The following PREP variants were observed in gnomAD, a reference collection of about 807,000 sequenced individuals.
The protein encoded by PREP is prolyl endopeptidase, also known as dJ355L5.1 (prolyl endopeptidase).
A neutral mutation model predicts 87.6 loss-of-function variants in PREP; 29 were observed. That is an observed-to-expected ratio of 0.33 (90% CI 0.25 to 0.45). The LOEUF (loss-of-function observed/expected upper bound fraction) is 0.45. Ranked by LOEUF, PREP falls within the 20% of genes least tolerant of loss-of-function variation. The pLI, the probability that PREP is intolerant of heterozygous loss-of-function variation, is 1.00. For missense variants in PREP, 695 were observed against 886.5 expected (o/e 0.78, Z 2.74); for synonymous variants, 337 against 328.6 (o/e 1.03, Z -0.28).
intron 6 of PREP, among the ~76,000 whole-genome samples, chr6:105,359,919 T>C (rs1029080286): frequency 1.3e-5 from 2 of 152,116 alleles, no homozygotes; most frequent in African/African-American, 2.4e-5. Flanking sequence ...CAGGCAGAGA[T>C]TTTGAAAGCT....
At position 105,387,260 on chromosome 6, in the gene PREP, T is replaced by C. The variant is rs556305719; in HGVS notation, c.121-9741A>G. Reference sequence around the variant, plus strand: ...AAAAGAAGTTGAGAGAAATCAGTTATCGCAGTTCTTTAGATGTTCACTTTT... The same window carrying C: ...AAAAGAAGTTGAGAGAAATCAGTTACCGCAGTTCTTTAGATGTTCACTTTT... On this transcript the variant is annotated intron_variant, in intron 2 of 14. Coordinates refer to ENST00000652536, the MANE Select transcript of PREP (RefSeq NM_002726.5). Among the ~76,000 whole-genome samples, 168 of 152,198 alleles carry C rather than the reference T, an allele frequency of 1.1e-3. No homozygotes were observed. In the South Asian group the frequency reaches 0.034, roughly 30 times the overall value.
At chr6:105,338,660 G>A (rs1475820333) in intron 7 of PREP, among the ~76,000 whole-genome samples, 1 of 152,188 alleles carries the variant, frequency 6.6e-6, no homozygotes, top group East Asian at 1.9e-4. Context: ...GTGACAGACG[G>A]TACCTGGAAA....
chr6:105,308,513 A>T (rs1770696673), intron 10 of PREP, among the ~76,000 whole-genome samples: 1 of 152,210 alleles, frequency 6.6e-6, no homozygotes. Flanking sequence ...TATGGCCTAA[A>T]ATAACTCTTA....
At chr6:105,386,783 A>T (rs1042822140) in intron 2 of PREP, among the ~76,000 whole-genome samples, 4 of 152,194 alleles carry the variant, frequency 2.6e-5, no homozygotes, top group Non-Finnish European at 5.9e-5. Context: ...TTATACTGAA[A>T]TCCAATGCTC....
At chr6:105,315,192 C>T (rs1007449914) in intron 10 of PREP, among the ~76,000 whole-genome samples, 2 of 152,146 alleles carry the variant, frequency 1.3e-5, no homozygotes, top group African/African-American at 4.8e-5. Context: ...GAGACAAAGT[C>T]TTGCTCTGTC....
intron 2 of PREP, among the ~76,000 whole-genome samples, chr6:105,390,172 T>C (rs1773103996): frequency 6.6e-6 from 1 of 152,142 alleles, no homozygotes; most frequent in Non-Finnish European, 1.5e-5. Flanking sequence ...AGGATTTCTG[T>C]TCTAATTGCC....
At chr6:105,402,418 T>TCACACACACACACACACA (rs36086068) in intron 1 of PREP, among the ~76,000 whole-genome samples, 8 of 147,220 alleles carry the variant, frequency 5.4e-5, no homozygotes, top group African/African-American at 1.2e-4. Flanking sequence ...AAATGTGACA[T>TCACACACACACACACACA]CACACACACA....
intron 10 of PREP, among the ~76,000 whole-genome samples, chr6:105,311,412 C>T (rs1337431846): frequency 6.6e-6 from 1 of 152,164 alleles, no homozygotes; most frequent in African/African-American, 2.4e-5. Context: ...GTTCTCAGGG[C>T]CTTTGCTTTA....
intron 10 of PREP, chr6:105,298,781 G>C (rs902473562): frequency 6.5e-6 from 1 of 153,224 alleles, no homozygotes; most frequent in African/African-American, 2.4e-5. Context: ...TACAATAATG[G>C]GTATGCTAAG....
At chr6:105,297,939 C>T (rs1149305) in intron 10 of PREP, among the ~76,000 whole-genome samples, 21,713 of 152,164 alleles carry the variant, frequency 0.14, 1,957 homozygotes, top group African/African-American at 0.25. Context: ...TCTTAGAGTA[C>T]ATCGATATGA....
chr6:105,389,525 C>T lies in PREP; in HGVS notation c.120+8328G>A, dbSNP rs116681877. Among the ~76,000 whole-genome samples the T allele has an allele frequency of 3.0e-3, 462 of 152,306 alleles. 2 individuals are homozygous for T. The highest frequency in any genetic ancestry group is 0.01 in the African/African-American group (420 of 41,572). On this transcript the variant is annotated intron_variant, in intron 2 of 14. Transcript: ENST00000652536. The stretch of plus-strand genomic sequence containing the variant: ...TATAAAGTTTTCAAAGAACACTGTA[C>T]ACCAAAACCAGCCTTTTATACCTGT...
At chr6:105,369,105 A>T in intron 5 of PREP, 81 bp from the exon 6 acceptor site, 2 of 1,428,942 alleles carry the variant, frequency 1.4e-6, no homozygotes, top group Non-Finnish European at 1.9e-6. Flanking sequence ...AGAATGCTAG[A>T]CACATTTAAC....
intron 10 of PREP, among the ~76,000 whole-genome samples, chr6:105,310,138 A>C (rs1042519148): frequency 2.6e-5 from 4 of 152,222 alleles, no homozygotes; most frequent in South Asian, 2.1e-4. Context: ...GAAGAGAGAG[A>C]GTGGGAAGAT....
In PREP at chr6:105,403,051, T is replaced by C. The variant is rs1773478385; in HGVS notation, c.-160A>G. 6.9e-6 allele frequency: 2 copies of C among 288,722 alleles called. No homozygotes were observed. Among genetic ancestry groups the C allele is most frequent in the East Asian group, 6.5e-5 (1 of 15,408 alleles). 17.9% of individuals were successfully genotyped at this position (288,722 alleles called of 1,614,324 possible). ...ACGGCCAGAGCTAGCACAAACGGAC[T>C]GGCGGCGCGGCGGCGAGGACGTGCA... is the stretch of plus-strand genomic sequence containing the variant. On this transcript the variant is annotated 5_prime_UTR_variant, in exon 1 of 15. Coordinates refer to ENST00000652536, the MANE Select transcript of PREP (RefSeq NM_002726.5).
At chr6:105,387,157 GGTTGCAGTGGAGATCT>G (rs1773017425) in intron 2 of PREP, among the ~76,000 whole-genome samples, 1 of 152,090 alleles carries the variant, frequency 6.6e-6, no homozygotes, top group African/African-American at 2.4e-5. Context: ...GCCGGGTGGA[GGTTGCAGTGGAGATCT>G]GCCACTGCAC....
At chr6:105,334,713 T>TCAACAACAACAACAA (rs573991003) in intron 7 of PREP, among the ~76,000 whole-genome samples, 172 of 150,072 alleles carry the variant, frequency 1.1e-3, no homozygotes, top group East Asian at 4.3e-3. Flanking sequence ...AGACTCTGTC[T>TCAACAACAACAACAA]CAACAACAAC....
At chr6:105,315,353 A>G (rs1770838912) in intron 10 of PREP, among the ~76,000 whole-genome samples, 1 of 152,046 alleles carries the variant, frequency 6.6e-6, no homozygotes, top group Non-Finnish European at 1.5e-5. Context: ...TTGTAGATAA[A>G]TTTTGTATGG....
chr6:105,342,963 A>G (rs1771698219), intron 7 of PREP, among the ~76,000 whole-genome samples: 3 of 152,238 alleles, frequency 2.0e-5, no homozygotes, highest in Admixed American at 2.0e-4. Flanking sequence ...AAGGTAATTT[A>G]TAGATTCAAT....
rs890590204 is a variant in PREP at position 105,328,978 on chromosome 6, T to C, written c.1064A>G (p.His355Arg). The change falls in exon 9 of 15, where the codon CAT becomes CGT. Residue 355 changes from histidine (H) to arginine (R), a missense_variant. Transcript: ENST00000652536. Reference sequence around the variant, plus strand: ...GAGCTGCAGAATGTTCTTGACGTCATGGAGGTAGCATAAGACCAAGAAGTT... The same window carrying C: ...GAGCTGCAGAATGTTCTTGACGTCACGGAGGTAGCATAAGACCAAGAAGTT... ...RSNFLVLCYL[H>R]DVKNILQLHD... 4.3e-6 allele frequency: 7 copies of C among 1,614,094 alleles called. No homozygotes were observed. In the South Asian group the frequency reaches 5.5e-5, roughly 13 times the overall value.
Sources: allele counts gnomAD v4.1 joint callset (sites outside exome capture counted in the v4.1 genomes callset), GRCh38; gene constraint gnomAD v4.1.1; transcripts MANE v1.5; gene names NCBI Gene and HGNC (gene_info 2026-07-23, HGNC 2026-07-21).